The following BRSK1 variants were observed in gnomAD, a reference collection of about 807,000 sequenced individuals.
The protein encoded by BRSK1 is BR serine/threonine kinase 1.
BRSK1 carries 17 observed loss-of-function variants against 86.2 expected under a neutral mutation model. The observed-to-expected ratio is 0.20, with a 90% CI of 0.14 to 0.30. The LOEUF (loss-of-function observed/expected upper bound fraction) is 0.30. Among genes scored for constraint, BRSK1 ranks in the 10% least tolerant of loss-of-function variants. The pLI is 1.00. For missense variants in BRSK1, 719 were observed against 1,071.9 expected (o/e 0.67, Z 4.60); for synonymous variants, 464 against 440.1 (o/e 1.05, Z -0.68).
rs980699442 is a variant in BRSK1, at chr19:55,294,798, G to A, written c.678+401G>A. On this transcript the variant is annotated intron_variant, in intron 7 of 18. Transcript: ENST00000309383. This position sits in a 1 kb window ranked among gnomAD's most constrained non-coding sequence, Gnocchi z 4.9. ...ATTCCAGGTGTGAGCCACTGAACCC[G>A]GCCTATTTATTTATGTATTTTGAGA... Among the ~76,000 whole-genome samples, 3 of 150,718 alleles carry A rather than the reference G, an allele frequency of 2.0e-5. No homozygotes were observed. Among genetic ancestry groups the A allele is most frequent in the African/African-American group, 7.3e-5 (3 of 40,852 alleles).
chr19:55,294,391 G>T lies in BRSK1; in HGVS notation c.672G>T (p.Leu224=). ...MWSCGVILFA[L]LVGALPFDDD... The stretch of plus-strand genomic sequence containing the variant: ...GCTGTGGAGTCATCCTCTTCGCCCT[G>T]CTCGTGGTAAGGCGCCCTCACCTCT... Residue 224 remains leucine, a synonymous_variant, in exon 7 of 19, where the codon CTG becomes CTT. Transcript: ENST00000309383. The surrounding 1 kb of genome is among the most constrained non-coding windows in gnomAD (Gnocchi z 4.9). The T allele has an allele frequency of 1.2e-6, 2 of 1,613,958 alleles. No homozygotes were observed. The highest frequency in any genetic ancestry group is 1.7e-6 in the Non-Finnish European group (2 of 1,179,994).
rs766099214 is a variant in BRSK1, at chr19:55,306,398, G to T, written c.2037G>T (p.Arg679=). 6.2e-7 allele frequency: 1 copy of T among 1,613,924 alleles called. No individual in the cohort carries two copies. The highest frequency in any genetic ancestry group is 1.3e-5 in the African/African-American group (1 of 75,068). The part of the protein sequence containing the change: ...SSEGPEPSPR[R]DGSGGGGIYS... ...AGGGTCCAGAGCCCTCCCCGCGACGGGACGGCAGCGGAGGTGGTGGCATCT... is the reference window on the plus strand; with the variant it reads ...AGGGTCCAGAGCCCTCCCCGCGACGTGACGGCAGCGGAGGTGGTGGCATCT... Residue 679 remains arginine (R), a synonymous_variant, in exon 17 of 19, where the codon CGG becomes CGT. Transcript: ENST00000309383. This position sits in a 1 kb window ranked among gnomAD's most constrained non-coding sequence, Gnocchi z 4.7.
intron 18 of BRSK1, among the ~76,000 whole-genome samples, chr19:55,311,276 T>C (rs1372822632): frequency 6.6e-6 from 1 of 152,022 alleles, no homozygotes; most frequent in Non-Finnish European, 1.5e-5. Context: ...CAGTTTCTCT[T>C]AAAAGAAAAA....
intron 7 of BRSK1, among the ~76,000 whole-genome samples, chr19:55,298,452 A>G (rs978328081): frequency 1.3e-5 from 2 of 152,188 alleles, no homozygotes; most frequent in Non-Finnish European, 2.9e-5. Flanking sequence ...GATTACAGGC[A>G]TGAGCCACCG....
intron 17 of BRSK1, among the ~76,000 whole-genome samples, chr19:55,307,911 G>A (rs1014228973): frequency 4.6e-5 from 7 of 151,186 alleles, no homozygotes; most frequent in African/African-American, 9.7e-5. Flanking sequence ...CCGTGATCGC[G>A]CCACTGCACT....
chr19:55,302,768 C>T lies in BRSK1; in HGVS notation c.929C>T (p.Pro310Leu). The T allele has an allele frequency of 6.2e-7, 1 of 1,613,776 alleles. No homozygotes were observed. ...PGRRVAMRSL[P>L]SNGELDPDVL... ...CGCCGGGTAGCCATGCGGAGCCTGC[C>T]ATCCAACGGAGAGCTGGACCCCGAC... The change falls in exon 10 of 19, where the codon CCA becomes CTA. Residue 310 changes from proline to leucine, a missense_variant. Coordinates refer to ENST00000309383, the MANE Select transcript of BRSK1 (RefSeq NM_032430.2). This position sits in a 1 kb window ranked among gnomAD's most constrained non-coding sequence, Gnocchi z 6.3.
At position 55,303,111 on chromosome 19, in the gene BRSK1, G is replaced by A. The variant is rs144624039; in HGVS notation, c.1029-200G>A. 155 of 632,552 alleles carry A rather than the reference G, an allele frequency of 2.5e-4. No homozygotes were observed. In the African/African-American group the frequency reaches 2.5e-3, roughly 10 times the overall value. The allele number at this position is 632,552 out of a possible 1,614,324, so 39.2% of individuals were successfully genotyped here. ...ACTTACAAATAGTTCTTGCCTGGAT[G>A]TTAGGTGTTACAGTGTTATTATAAT... On this transcript the variant is annotated intron_variant, in intron 10 of 18. Transcript: ENST00000309383. The surrounding 1 kb of genome is among the most constrained non-coding windows in gnomAD (Gnocchi z 5.1).
chr19:55,305,066 A>G (rs2088629342), intron 14 of BRSK1, 146 bp downstream of exon 14: 3 of 1,329,226 alleles, frequency 2.3e-6, no homozygotes, highest in East Asian at 4.9e-5. Context: ...GGTTTGAAGC[A>G]GAGGTGCACC....
chr19:55,306,471 G>A lies in BRSK1; in HGVS notation c.2089+21G>A, dbSNP rs2088652616. 2 of 1,609,646 alleles carry A rather than the reference G, an allele frequency of 1.2e-6. No homozygotes were observed. Among genetic ancestry groups the A allele is most frequent in the Admixed American group, 1.7e-5 (1 of 60,000 alleles). ...CTCGGGTGAGTCTCTTGGCTAGGCTGCCTGCAGCCCAGTGCTGGGACTGTT... is the reference window on the plus strand; with the variant it reads ...CTCGGGTGAGTCTCTTGGCTAGGCTACCTGCAGCCCAGTGCTGGGACTGTT... On this transcript the variant is annotated intron_variant, in intron 17 of 18. Transcript: ENST00000309383. The surrounding 1 kb of genome is among the most constrained non-coding windows in gnomAD (Gnocchi z 4.7).
At position 55,299,712 on chromosome 19, in the gene BRSK1, G is replaced by A. The variant is rs138089125; in HGVS notation, c.679-1800G>A. Among the ~76,000 whole-genome samples, 464 of 152,110 alleles carry A rather than the reference G, an allele frequency of 3.1e-3. 3 individuals are homozygous for A. The highest frequency in any genetic ancestry group is 0.011 in the African/African-American group (436 of 41,496). On this transcript the variant is annotated intron_variant, in intron 7 of 18. Transcript: ENST00000309383. ...GTTGTTATAATATTTAATCCAGACCGTACCCTTCCTGGCAGGATCATTATG... is the reference window on the plus strand; with the variant it reads ...GTTGTTATAATATTTAATCCAGACCATACCCTTCCTGGCAGGATCATTATG...
chr19:55,305,219 C>T, intron 14 of BRSK1, 102 bp from the exon 15 acceptor site: 2 of 1,489,376 alleles, frequency 1.3e-6, no homozygotes, highest in Non-Finnish European at 9.2e-7. Context: ...AGGCTGCAAC[C>T]CAAGGCTCTG....
In BRSK1 at chr19:55,284,408, G is replaced by A. The variant is rs1451027730; in HGVS notation, c.-35G>A. 3 of 1,148,662 alleles carry A rather than the reference G, an allele frequency of 2.6e-6. No homozygotes were observed. The highest frequency in any genetic ancestry group is 3.2e-5 in the East Asian group (1 of 30,862). The allele number at this position is 1,148,662 out of a possible 1,614,324, so 71.2% of individuals were successfully genotyped here. On this transcript the variant is annotated 5_prime_UTR_variant, in exon 1 of 19. Coordinates refer to ENST00000309383, the MANE Select transcript of BRSK1 (RefSeq NM_032430.2). ...CGGGGCGACGGCCGCAGGGGGGGCG[G>A]CCGGGGGACCGGTCGGGCCGGGACC... is the stretch of plus-strand genomic sequence containing the variant.
At chr19:55,311,696 G>A (rs1364840777) in intron 18 of BRSK1, among the ~76,000 whole-genome samples, 3 of 152,142 alleles carry the variant, frequency 2.0e-5, no homozygotes, top group Non-Finnish European at 2.9e-5. Flanking sequence ...TGCAGCCCCC[G>A]TCCTAGGGGA....
rs1186444303 is a variant in BRSK1, at chr19:55,284,410, C to T, written c.-33C>T. On this transcript the variant is annotated 5_prime_UTR_variant, in exon 1 of 19. Transcript: ENST00000309383. ...GGGCGACGGCCGCAGGGGGGGCGGCCGGGGGACCGGTCGGGCCGGGACCAA... is the reference window on the plus strand; with the variant it reads ...GGGCGACGGCCGCAGGGGGGGCGGCTGGGGGACCGGTCGGGCCGGGACCAA... The T allele has an allele frequency of 9.6e-5, 111 of 1,151,286 alleles. No homozygotes were observed. The highest frequency in any genetic ancestry group is 1.2e-4 in the Non-Finnish European group (105 of 900,380). The allele number at this position is 1,151,286 out of a possible 1,614,324, so 71.3% of individuals were successfully genotyped here.
At chr19:55,301,683 AG>A (rs760206818) in intron 8 of BRSK1, 25 bp downstream of exon 8, 39 of 1,600,196 alleles carry the variant, frequency 2.4e-5, no homozygotes, top group East Asian at 2.0e-4. Context: ...GGACCGGCGG[AG>A]GGGGGAACAG....
Position 55,304,912 on chromosome 19 carries a change from A to G in BRSK1, c.1709A>G (p.Lys570Arg). The G allele has an allele frequency of 6.2e-7, 1 of 1,607,834 alleles. No homozygotes were observed. The highest frequency in any genetic ancestry group is 8.5e-7 in the Non-Finnish European group (1 of 1,179,720). ...GGCTCCCCTCGCTTTCACCGGCGCA[A>G]GATGCAGGGTATGGGGGCATGAACT... ...FLGSPRFHRR[K>R]MQVPTAEEMS... Residue 570 changes from lysine to arginine, a missense_variant, in exon 14 of 19, where the codon AAG becomes AGG. This residue lies in a region of BRSK1 where 180 missense variants were observed against 259.4 expected (regional missense o/e 0.69). Coordinates refer to ENST00000309383, the MANE Select transcript of BRSK1 (RefSeq NM_032430.2). This position sits in a 1 kb window ranked among gnomAD's most constrained non-coding sequence, Gnocchi z 5.2.
chr19:55,301,962 T>G, intron 8 of BRSK1, 175 bp from the exon 9 acceptor site: 1 of 872,626 alleles, frequency 1.1e-6, no homozygotes, highest in South Asian at 1.4e-5. Flanking sequence ...AGACCGCGCG[T>G]GCGCGGGGCG....
intron 18 of BRSK1, among the ~76,000 whole-genome samples, chr19:55,309,073 CT>C (rs2088723133): frequency 1.3e-5 from 2 of 152,020 alleles, no homozygotes; most frequent in Non-Finnish European, 2.9e-5. Context: ...AGGGAACATC[CT>C]GCCAACAGAG....
chr19:55,284,594 G>C lies in BRSK1; in HGVS notation c.136+16G>C. The C allele has an allele frequency of 8.2e-7, 1 of 1,217,610 alleles. No homozygotes were observed. Among genetic ancestry groups the C allele is most frequent in the South Asian group, 2.9e-5 (1 of 33,906 alleles). 75.4% of individuals were successfully genotyped at this position (1,217,610 alleles called of 1,614,324 possible). A position where few individuals can be genotyped will look rare whatever the true frequency, so the allele number is the denominator to read the frequency against. On this transcript the variant is annotated intron_variant, in intron 1 of 18. Transcript: ENST00000309383. ...GGACAGACAGGTGAGCCTAGCAGAAGGGGACACCTGGGGCGGGGGGCAGGG... is the reference window on the plus strand; with the variant it reads ...GGACAGACAGGTGAGCCTAGCAGAACGGGACACCTGGGGCGGGGGGCAGGG...
Sources: gnomAD v4.1 joint callset for allele counts (sites outside exome capture counted in the v4.1 genomes callset) on GRCh38, gnomAD v4.1.1 for gene constraint, gnomAD v4.1.1 regional missense constraint, Gnocchi (gnomAD v3.1) non-coding constraint, MANE v1.5 for transcripts, NCBI Gene and HGNC (gene_info 2026-07-23, HGNC 2026-07-21) for gene names.